LYPD5: variants seen among roughly 807,000 people sequenced by gnomAD.
The protein encoded by LYPD5 is LY6/PLAUR domain containing 5.
In LYPD5, 21 loss-of-function variants were observed where a neutral mutation model predicts 19.1. The observed-to-expected ratio is 1.10, with a 90% confidence interval of 0.78 to 1.58. LYPD5 has a LOEUF of 1.58. Among genes scored for constraint, LYPD5 ranks in the 40% most tolerant of loss-of-function variants. The pLI, the probability that LYPD5 is intolerant of heterozygous loss-of-function variation, is 0.00. For missense variants in LYPD5, 287 were observed against 329.8 expected, an observed-to-expected ratio of 0.87 and a Z score of 1.00; for synonymous variants, 128 against 142.7, an observed-to-expected ratio of 0.90 and a Z score of 0.74.
chr19:43,820,563 G>C (rs553952332), exon 1 of LYPD5: 4 of 152,352 alleles, frequency 2.6e-5, no homozygotes, highest in Non-Finnish European at 5.9e-5. Flanking sequence ...TGGGGCATGA[G>C]TCCGCAACGC....
chr19:43,818,554 A>G (rs1970392337), intron 1 of LYPD5, among the ~76,000 whole-genome samples: 1 of 152,220 alleles, frequency 6.6e-6, no homozygotes, highest in Admixed American at 6.5e-5. Context: ...GAATAGTTCA[A>G]TGGGTTCTGT....
At chr19:43,798,028 AGGGCCATGCCTCTTCCCTCAGACCAG>A (rs1970157600) in intron 4 of LYPD5, among the ~76,000 whole-genome samples, 199 bp from the exon 5 acceptor site, 1 of 151,482 alleles carries the variant, frequency 6.6e-6, no homozygotes, top group Non-Finnish European at 1.5e-5. Context: ...CCCTCAGACC[AGGGCCATGCCTCTTCCCTCAGACCAG>A]GGGCCATGCC....
upstream of LYPD5, among the ~76,000 whole-genome samples, chr19:43,802,870 G>C (rs1388219102): frequency 6.6e-6 from 1 of 152,070 alleles, no homozygotes; most frequent in East Asian, 1.9e-4. Flanking sequence ...GCACCTTCCT[G>C]TCTCCCAGCC....
chr19:43,799,787 G>T lies in LYPD5; in HGVS notation c.112C>A (p.Pro38Thr). ...CYSFEHTYFGPFDLRAMKLPS... is the reference protein window; with the variant it reads ...CYSFEHTYFGTFDLRAMKLPS... ...AGCTTCATGGCCCTGAGGTCAAAGG[G>T]GCCAAAGTAGGTGTGCTCAAAGCTG... is the stretch of plus-strand genomic sequence containing the variant. Residue 38 changes from proline (P) to threonine (T), a missense_variant, in exon 2 of 5, where the codon CCC (proline) becomes ACC (threonine). By Grantham distance (38) the Pro-to-Thr change is conservative. Coordinates refer to ENST00000377950, the MANE Select transcript of LYPD5 (RefSeq NM_001031749.3). 6.2e-7 allele frequency: 1 copy of T among 1,613,810 alleles called. No individual in the cohort carries two copies. Among genetic ancestry groups the T allele is most frequent in the South Asian group, 1.1e-5 (1 of 90,970 alleles).
At chr19:43,811,747 A>AAGGGAGGGAGGG (rs59086615) in intron 1 of LYPD5, among the ~76,000 whole-genome samples, 19 of 127,064 alleles carry the variant, frequency 1.5e-4, no homozygotes, top group African/African-American at 5.1e-4. Context: ...GGAAGGAAGG[A>AAGGGAGGGAGGG]AGGGAGGGAG....
At chr19:43,812,966 G>A (rs762111052) in intron 1 of LYPD5, among the ~76,000 whole-genome samples, 36 of 152,144 alleles carry the variant, frequency 2.4e-4, no homozygotes, top group African/African-American at 9.7e-5. Flanking sequence ...TTCCACCCAG[G>A]CCCTGTTTTA....
In LYPD5 at chr19:43,812,378, A is replaced by ATCTATCTATCT. The variant is rs1568406587; in HGVS notation, c.-66+8161_-66+8162insAGATAGATAGA. On this transcript the variant is annotated intron_variant, in intron 1 of 4. Coordinates refer to the LYPD5 transcript ENST00000414615. ...CTATCTATCTATCTATCTATCTATC[A>ATCTATCTATCT]ATCTATCATCTATCTATCCATCCAT... 6.2e-4 allele frequency among the ~76,000 whole-genome samples: 34 copies of ATCTATCTATCT among 54,968 alleles called. 1 individual carries two copies. The highest frequency in any genetic ancestry group is 9.0e-4 in the African/African-American group (15 of 16,604). The allele number at this position is 54,968 out of a possible 152,430, so 36.1% of individuals were successfully genotyped here.
chr19:43,802,981 G>T (rs1050193471), upstream of LYPD5, among the ~76,000 whole-genome samples: 9 of 152,110 alleles, frequency 5.9e-5, no homozygotes, highest in African/African-American at 2.2e-4. Context: ...CTGAACGAAT[G>T]AATCAATGAA....
intron 1 of LYPD5, among the ~76,000 whole-genome samples, chr19:43,809,197 AC>A (rs1970297642): frequency 6.8e-6 from 1 of 147,462 alleles, no homozygotes; most frequent in African/African-American, 2.5e-5. Flanking sequence ...CCGCCACTAC[AC>A]CCGGCTAATT....
intron 1 of LYPD5, among the ~76,000 whole-genome samples, chr19:43,808,156 G>A (rs1970287070): frequency 1.3e-5 from 2 of 152,278 alleles, no homozygotes; most frequent in South Asian, 4.1e-4. Flanking sequence ...CTGTTGCCTA[G>A]GCTGGAGTGC....
chr19:43,807,693 G>C (rs1042539851), intron 1 of LYPD5, among the ~76,000 whole-genome samples: 3 of 152,220 alleles, frequency 2.0e-5, no homozygotes, highest in African/African-American at 7.2e-5. Context: ...AGGACCTTGG[G>C]ATCAATAGCT....
At chr19:43,809,019 C>A (rs1037683107) in intron 1 of LYPD5, among the ~76,000 whole-genome samples, 1 of 151,998 alleles carries the variant, frequency 6.6e-6, no homozygotes, top group Admixed American at 6.6e-5. Context: ...TAATGGTAAC[C>A]GGATATTAGT....
intron 1 of LYPD5, among the ~76,000 whole-genome samples, chr19:43,816,556 T>C (rs1361313608): frequency 5.3e-5 from 8 of 152,234 alleles, no homozygotes; most frequent in Non-Finnish European, 1.0e-4. Flanking sequence ...TGTCAGATCA[T>C]TAAGCACATA....
chr19:43,809,744 A>G (rs1265053222), intron 1 of LYPD5, among the ~76,000 whole-genome samples: 1 of 152,246 alleles, frequency 6.6e-6, no homozygotes, highest in Non-Finnish European at 1.5e-5. Flanking sequence ...GGTAGAGTAA[A>G]TAATTAGATG....
chr19:43,797,441 G>T lies in LYPD5; in HGVS notation c.*150C>A. 1.4e-6 allele frequency: 1 copy of T among 697,266 alleles called. No individual in the cohort carries two copies. Among genetic ancestry groups the T allele is most frequent in the Non-Finnish European group, 2.4e-6 (1 of 414,948 alleles). 43.2% of individuals were successfully genotyped at this position (697,266 alleles called of 1,614,324 possible). On this transcript the variant is annotated 3_prime_UTR_variant, in exon 5 of 5. Transcript: ENST00000377950. Reference sequence around the variant, plus strand: ...TTCTTCCAGTACTGTTGGCCAGGTTGTGGGGCACAAGGGCGGGAGAGATGG... The same window carrying T: ...TTCTTCCAGTACTGTTGGCCAGGTTTTGGGGCACAAGGGCGGGAGAGATGG...
chr19:43,802,894 G>A (rs1349680231), upstream of LYPD5, among the ~76,000 whole-genome samples: 1 of 152,094 alleles, frequency 6.6e-6, no homozygotes, highest in Non-Finnish European at 1.5e-5. Flanking sequence ...ATCAAACTAG[G>A]CTGGGCTAGC....
In LYPD5 at chr19:43,796,950, T is replaced by C. The variant is rs1970139000; in HGVS notation, c.*641A>G. ...GCTCAAGTAACTCACCCACAGTCTC[T>C]GCAGGCTGAATGGTGGAGCTGGGAT... On this transcript the variant is annotated 3_prime_UTR_variant, in exon 5 of 5. Coordinates refer to ENST00000377950, the MANE Select transcript of LYPD5 (RefSeq NM_001031749.3). 1 of 152,302 alleles carries C rather than the reference T, an allele frequency of 6.6e-6. No individual in the cohort carries two copies. The highest frequency in any genetic ancestry group is 1.5e-5 in the Non-Finnish European group (1 of 68,090). The allele number at this position is 152,302 out of a possible 1,614,324, so 9.4% of individuals were successfully genotyped here. A position where few individuals can be genotyped will look rare whatever the true frequency, so the allele number is the denominator to read the frequency against.
At chr19:43,806,873 C>A (rs974836385), upstream of LYPD5, among the ~76,000 whole-genome samples, 1 of 152,210 alleles carries the variant, frequency 6.6e-6, no homozygotes, top group Non-Finnish European at 1.5e-5. Flanking sequence ...CACAATCAGT[C>A]TCTGGTGCTC....
At chr19:43,812,813 G>T (rs943045697) in intron 1 of LYPD5, among the ~76,000 whole-genome samples, 3 of 152,210 alleles carry the variant, frequency 2.0e-5, no homozygotes. Context: ...CGCAAATTAA[G>T]GGACAGATGA....
Sources: allele counts gnomAD v4.1 joint callset (sites outside exome capture counted in the v4.1 genomes callset), GRCh38; gene constraint gnomAD v4.1.1; transcripts MANE v1.5; gene names NCBI Gene and HGNC (gene_info 2026-07-23, HGNC 2026-07-21).